The following GAB2 variants were observed in gnomAD, a reference collection of about 807,000 sequenced individuals.
The protein encoded by GAB2 is GRB2-associated-binding protein 2.
A neutral mutation model predicts 65.5 loss-of-function variants in GAB2; 26 were observed. The ratio of observed to expected loss-of-function variants is 0.40; its 90% CI spans 0.29 to 0.55. The LOEUF (loss-of-function observed/expected upper bound fraction) is 0.55, where lower values mean the gene tolerates loss of function less well. Among genes scored for constraint, GAB2 ranks in the 20% least tolerant of loss-of-function variants. GAB2 has a pLI of 0.53. For missense variants in GAB2, 884 were observed against 875.8 expected (o/e 1.01, Z -0.12); for synonymous variants, 321 against 329.6 (o/e 0.97, Z 0.28).
chr11:78,383,895 C>G (rs183684610), intron 1 of GAB2, among the ~76,000 whole-genome samples: 1 of 152,288 alleles, frequency 6.6e-6, no homozygotes, highest in Admixed American at 6.5e-5. Flanking sequence ...TGGAACTTTA[C>G]TCGCCAGGCA....
Position 78,292,029 on chromosome 11 carries a change from T to TGTGTGTGA in GAB2, c.76-11129_76-11128insTCACACAC, listed in dbSNP as rs10577079. Among the ~76,000 whole-genome samples the TGTGTGTGA allele has an allele frequency of 1.2e-4, 13 of 106,004 alleles. No individual in the cohort carries two copies. In the East Asian group the frequency reaches 1.3e-3, roughly 10 times the overall value. 69.5% of individuals were successfully genotyped at this position (106,004 alleles called of 152,430 possible). A position where few individuals can be genotyped will look rare whatever the true frequency, so the allele number is the denominator to read the frequency against. Reference sequence around the variant, plus strand: ...GTGTGTGTGTGTGTGTGTGTGTGTGTGAGAGAGAGAGAGTCAGTCTTTGTT... The same window carrying TGTGTGTGA: ...GTGTGTGTGTGTGTGTGTGTGTGTGTGTGTGTGAGAGAGAGAGAGAGTCAGTCTTTGTT... On this transcript the variant is annotated intron_variant, in intron 1 of 9. Coordinates refer to ENST00000361507, the MANE Select transcript of GAB2 (RefSeq NM_080491.3).
chr11:78,219,521 G>A lies in GAB2; in HGVS notation c.1888-106C>T. 1.1e-5 allele frequency: 11 copies of A among 1,031,778 alleles called. No individual in the cohort carries two copies. In the South Asian group the frequency reaches 1.6e-4, roughly 15 times the overall value. 63.9% of individuals were successfully genotyped at this position (1,031,778 alleles called of 1,614,324 possible). On this transcript the variant is annotated intron_variant, in intron 9 of 9. Coordinates refer to ENST00000361507, the MANE Select transcript of GAB2 (RefSeq NM_080491.3). ...CCTGAGCTGTCTGAAGGGGAGAAGAGCATGGCCTCTGCCTGCCACTGACCA... is the reference window on the plus strand; with the variant it reads ...CCTGAGCTGTCTGAAGGGGAGAAGAACATGGCCTCTGCCTGCCACTGACCA...
At chr11:78,272,613 A>G (rs895931467) in intron 2 of GAB2, among the ~76,000 whole-genome samples, 15 of 151,876 alleles carry the variant, frequency 9.9e-5, no homozygotes, top group African/African-American at 3.4e-4. Context: ...AAGCAGAACA[A>G]AAAAGTTTGG....
chr11:78,234,985 G>A (rs979133401), intron 3 of GAB2, among the ~76,000 whole-genome samples: 7 of 151,906 alleles, frequency 4.6e-5, no homozygotes, highest in Non-Finnish European at 4.4e-5. Context: ...ATTCCAGCCC[G>A]GGAGACAGAG....
chr11:78,222,260 T>G, intron 6 of GAB2, 65 bp from the exon 7 acceptor site: 1 of 990,440 alleles, frequency 1.0e-6, no homozygotes, highest in East Asian at 2.4e-5. Flanking sequence ...ACACACCTTA[T>G]ATATAACACA....
intron 1 of GAB2, among the ~76,000 whole-genome samples, chr11:78,395,179 C>G (rs550419186): frequency 1.3e-5 from 2 of 152,310 alleles, no homozygotes; most frequent in Non-Finnish European, 2.9e-5. Flanking sequence ...CCAGGCCAGG[C>G]GCGGCGGCTC....
At chr11:78,230,361 C>G (rs994041278) in intron 3 of GAB2, among the ~76,000 whole-genome samples, 1 of 152,202 alleles carries the variant, frequency 6.6e-6, no homozygotes, top group Non-Finnish European at 1.5e-5. Context: ...CCTGGTCTTG[C>G]ATTACTCACC....
At chr11:78,243,208 C>T (rs1468649772) in intron 3 of GAB2, among the ~76,000 whole-genome samples, 2 of 151,804 alleles carry the variant, frequency 1.3e-5, no homozygotes, top group Non-Finnish European at 2.9e-5. Context: ...TGGCTCATGC[C>T]TGTAATCTCA....
At chr11:78,311,014 A>C (rs1239574268) in intron 1 of GAB2, among the ~76,000 whole-genome samples, 1 of 152,168 alleles carries the variant, frequency 6.6e-6, no homozygotes, top group Admixed American at 6.5e-5. Context: ...TAAAATTAGC[A>C]ATTTACTTTC....
In GAB2 at chr11:78,410,692, A is replaced by G. The variant is rs568338096; in HGVS notation, c.75+6954T>C. On this transcript the variant is annotated intron_variant, in intron 1 of 9. Coordinates refer to ENST00000361507, the MANE Select transcript of GAB2 (RefSeq NM_080491.3). ...AATTTGTTGAAAAATGTAAACTTCTATAATTCAGCCAATATGAAGTAGATA... is the reference window on the plus strand; with the variant it reads ...AATTTGTTGAAAAATGTAAACTTCTGTAATTCAGCCAATATGAAGTAGATA... 1.9e-4 allele frequency among the ~76,000 whole-genome samples: 29 copies of G among 152,374 alleles called. No individual in the cohort carries two copies. The South Asian group carries it at 6.0e-3, about 32-fold the overall frequency.
intron 1 of GAB2, among the ~76,000 whole-genome samples, chr11:78,350,615 G>A (rs1451738407): frequency 6.6e-6 from 1 of 152,196 alleles, no homozygotes; most frequent in Non-Finnish European, 1.5e-5. Flanking sequence ...TATATACAAG[G>A]ATAATCTGAA....
At chr11:78,247,085 G>GT (rs1193190163) in intron 3 of GAB2, among the ~76,000 whole-genome samples, 2 of 152,150 alleles carry the variant, frequency 1.3e-5, no homozygotes, top group Admixed American at 6.5e-5. Flanking sequence ...GAAAGATGGG[G>GT]TTTTTTATGA....
At chr11:78,332,218 G>A (rs2134678633) in intron 1 of GAB2, among the ~76,000 whole-genome samples, 1 of 152,270 alleles carries the variant, frequency 6.6e-6, no homozygotes, top group East Asian at 1.9e-4. Context: ...GCAGTTAATG[G>A]GAAACTTACA....
intron 3 of GAB2, among the ~76,000 whole-genome samples, chr11:78,230,284 C>T (rs1864803444): frequency 6.6e-6 from 1 of 152,234 alleles, no homozygotes; most frequent in Admixed American, 6.5e-5. Context: ...ACCCCGGCAT[C>T]CTCCTGTCTC....
chr11:78,294,486 G>A (rs191737861), intron 1 of GAB2, among the ~76,000 whole-genome samples: 10 of 152,242 alleles, frequency 6.6e-5, no homozygotes, highest in South Asian at 2.1e-4. Context: ...CTGAGGAATC[G>A]CCACGCTGAC....
At chr11:78,381,062 C>T (rs980247192) in intron 1 of GAB2, among the ~76,000 whole-genome samples, 1 of 152,148 alleles carries the variant, frequency 6.6e-6, no homozygotes, top group Non-Finnish European at 1.5e-5. Context: ...GCTTTGTACT[C>T]AAATAGACTC....
chr11:78,404,802 AAAATACAGTTAGAAGAACT>A (rs1857019769), intron 1 of GAB2, among the ~76,000 whole-genome samples: 1 of 152,238 alleles, frequency 6.6e-6, no homozygotes, highest in Non-Finnish European at 1.5e-5. Flanking sequence ...AGTGGGTATA[AAAATACAGTTAGAAGAACT>A]AAGATCTAAT....
intron 1 of GAB2, among the ~76,000 whole-genome samples, chr11:78,396,897 A>G (rs1377299576): frequency 1.3e-5 from 2 of 152,158 alleles, no homozygotes; most frequent in African/African-American, 4.8e-5. Flanking sequence ...GCACCCGGCC[A>G]GGGAAATATT....
Position 78,225,101 on chromosome 11 carries a change from C to T in GAB2, c.1302+7G>A. 6.3e-7 allele frequency: 1 copy of T among 1,597,702 alleles called. No individual in the cohort carries two copies. The highest frequency in any genetic ancestry group is 8.6e-7 in the Non-Finnish European group (1 of 1,165,222). Reference sequence around the variant, plus strand: ...GCCTGAGGACCCTTGGGTTAACCCACACTCACCAGGAAAGAGCCAACTCCA... The same window carrying T: ...GCCTGAGGACCCTTGGGTTAACCCATACTCACCAGGAAAGAGCCAACTCCA... On this transcript the variant is annotated splice_region_variant and intron_variant, in intron 5 of 9. Transcript: ENST00000361507.
Sources: allele counts gnomAD v4.1 joint callset (sites outside exome capture counted in the v4.1 genomes callset), GRCh38; gene constraint gnomAD v4.1.1; transcripts MANE v1.5; gene names NCBI Gene and HGNC (gene_info 2026-07-23, HGNC 2026-07-21).